PTPN13: variants seen among roughly 807,000 people sequenced by gnomAD.
PTPN13 encodes tyrosine-protein phosphatase non-receptor type 13.
Under a neutral mutation model 284.0 loss-of-function variants are expected in PTPN13, and 191 were observed. That is an observed-to-expected ratio of 0.67 (90% confidence interval 0.60 to 0.76). PTPN13 has a LOEUF of 0.76. PTPN13 is among the 30% of genes least tolerant of loss of function. The pLI is 0.00. For missense variants in PTPN13, 2,797 were observed against 2,939.9 expected, an observed-to-expected ratio of 0.95 and a Z score of 1.12; for synonymous variants, 986 against 1,022.3, an observed-to-expected ratio of 0.96 and a Z score of 0.68.
At chr4:86,704,011 G>GA (rs528886753) in intron 7 of PTPN13, among the ~76,000 whole-genome samples, 144 of 148,360 alleles carry the variant, frequency 9.7e-4, no homozygotes, top group Middle Eastern at 3.5e-3. Flanking sequence ...CGTCTTTACT[G>GA]AAAAAAAAAT....
intron 2 of PTPN13, among the ~76,000 whole-genome samples, chr4:86,640,330 GTA>G (rs1486294924): frequency 6.6e-6 from 1 of 152,070 alleles, no homozygotes; most frequent in Non-Finnish European, 1.5e-5. Context: ...AAATTGGAAA[GTA>G]TAGACAGTCC....
chr4:86,735,420 C>G (rs796129228), intron 14 of PTPN13, among the ~76,000 whole-genome samples, 174 bp from the exon 15 acceptor site: 1 of 152,196 alleles, frequency 6.6e-6, no homozygotes, highest in Non-Finnish European at 1.5e-5. Flanking sequence ...CATTTTATCT[C>G]ACTGAATAGA....
intron 4 of PTPN13, 135 bp downstream of exon 4, chr4:86,686,910 T>C (rs1729520178): frequency 4.6e-6 from 3 of 652,166 alleles, no homozygotes; most frequent in South Asian, 1.9e-5. Flanking sequence ...GGAGTTTGTT[T>C]ACATTAATAA....
At chr4:86,676,933 A>G (rs1728335418) in intron 3 of PTPN13, among the ~76,000 whole-genome samples, 1 of 152,106 alleles carries the variant, frequency 6.6e-6, no homozygotes, top group Non-Finnish European at 1.5e-5. Context: ...AGTTCCAGAG[A>G]TTGTTGCACA....
chr4:86,765,492 T>TAG lies in PTPN13; in HGVS notation c.4243+5_4243+6dup. 6.4e-7 allele frequency: 1 copy of TAG among 1,560,360 alleles called. No homozygotes were observed. Among genetic ancestry groups the TAG allele is most frequent in the South Asian group, 1.2e-5 (1 of 84,612 alleles). On this transcript the variant is annotated splice_donor_region_variant and intron_variant, in intron 26 of 47. Transcript: ENST00000411767. Reference sequence around the variant, plus strand: ...TCTGATGGTAGAATTCACAAAGGTATAGTGTTTATATTATGTGGGAATTAT... The same window carrying TAG: ...TCTGATGGTAGAATTCACAAAGGTATAGAGTGTTTATATTATGTGGGAATTAT...
chr4:86,726,275 T>C (rs1734240532), intron 10 of PTPN13, among the ~76,000 whole-genome samples: 1 of 149,584 alleles, frequency 6.7e-6, no homozygotes, highest in Non-Finnish European at 1.5e-5. Context: ...TTTGCTCTTT[T>C]TGCTTAGGAT....
At chr4:86,805,874 G>C (rs1261613283) in intron 44 of PTPN13, among the ~76,000 whole-genome samples, 1 of 152,080 alleles carries the variant, frequency 6.6e-6, no homozygotes, top group African/African-American at 2.4e-5. Context: ...CAATCATTTT[G>C]GCCCGGTGCA....
chr4:86,778,799 C>G (rs941138163), intron 35 of PTPN13, among the ~76,000 whole-genome samples: 1 of 151,726 alleles, frequency 6.6e-6, no homozygotes, highest in African/African-American at 2.4e-5. Context: ...ATTTTTTTAA[C>G]GAGAAAAACA....
In PTPN13 at chr4:86,758,322, C is replaced by T. The variant is rs772559170; in HGVS notation, c.3286C>T (p.Leu1096=). The T allele has an allele frequency of 1.2e-6, 2 of 1,611,336 alleles. No homozygotes were observed. Among genetic ancestry groups the T allele is most frequent in the Non-Finnish European group, 1.7e-6 (2 of 1,178,406 alleles). ...AGAAAGGGAGATCACCTTAGTGAAC[C>T]TGAAAAAAGATGCAAAGTATGGCTT... ...SPEREITLVN[L]KKDAKYGLGF... Residue 1096 remains leucine (L), a synonymous_variant, in exon 21 of 48, where the codon CTG becomes TTG. Transcript: ENST00000411767.
chr4:86,770,053 T>C (rs1472063592), intron 29 of PTPN13, 48 bp from the exon 30 acceptor site: 2 of 1,611,766 alleles, frequency 1.2e-6, no homozygotes, highest in Non-Finnish European at 1.7e-6. Context: ...AATGGTTTCA[T>C]AATGCTGGTT....
intron 12 of PTPN13, 133 bp downstream of exon 12, chr4:86,732,899 G>T: frequency 3.4e-6 from 2 of 596,962 alleles, no homozygotes; most frequent in Non-Finnish European, 5.1e-6. Flanking sequence ...AGTGAGTTAG[G>T]AACTCCCTTT....
At position 86,807,796 on chromosome 4, in the gene PTPN13, G is replaced by A. The variant is rs2149385303; in HGVS notation, c.6982G>A (p.Gly2328Ser). The A allele has an allele frequency of 1.2e-6, 2 of 1,614,032 alleles. No individual in the cohort carries two copies. The highest frequency in any genetic ancestry group is 1.6e-4 in the Middle Eastern group (1 of 6,062). Residue 2328 changes from glycine to serine, a missense_variant, in exon 45 of 48, where the codon GGC (glycine) becomes AGC (serine). Transcript: ENST00000411767. ...KCQRYWPNIL[G>S]KTTMVSNRLR... ...CCAGCGCTATTGGCCCAACATCCTA[G>A]GCAAAACAACAATGGTCAGCAACAG... is the stretch of plus-strand genomic sequence containing the variant.
At chr4:86,745,543 G>A (rs1736647194) in intron 17 of PTPN13, among the ~76,000 whole-genome samples, 1 of 152,178 alleles carries the variant, frequency 6.6e-6, no homozygotes, top group Non-Finnish European at 1.5e-5. Context: ...TTGGGAGGCT[G>A]AGGCGGGTGG....
At position 86,680,177 on chromosome 4, in the gene PTPN13, C is replaced by A. The variant is rs985250839; in HGVS notation, c.295-6533C>A. On this transcript the variant is annotated intron_variant, in intron 3 of 47. Transcript: ENST00000411767. The stretch of plus-strand genomic sequence containing the variant: ...TCACTATTATATGTCAAATGCTGTG[C>A]TAGGTCTAGGGATAGAGTGGTAAAC... Among the ~76,000 whole-genome samples the A allele has an allele frequency of 2.0e-5, 3 of 152,118 alleles. No homozygotes were observed. In the South Asian group the frequency reaches 6.2e-4, roughly 32 times the overall value.
At chr4:86,616,260 A>G (rs982031787) in intron 1 of PTPN13, among the ~76,000 whole-genome samples, 1 of 152,198 alleles carries the variant, frequency 6.6e-6, no homozygotes. Flanking sequence ...TATAAATGTC[A>G]TGAAGTGTTA....
At chr4:86,602,275 T>G (rs1764358647) in intron 1 of PTPN13, among the ~76,000 whole-genome samples, 1 of 152,172 alleles carries the variant, frequency 6.6e-6, no homozygotes, top group African/African-American at 2.4e-5. Flanking sequence ...ACAAGCTCTG[T>G]GACCTTGCCC....
intron 35 of PTPN13, 102 bp downstream of exon 35, chr4:86,775,754 C>T: frequency 4.2e-6 from 4 of 947,474 alleles, no homozygotes; most frequent in Non-Finnish European, 6.2e-6. Context: ...ATTAGTAATT[C>T]ATAGACTAAA....
rs7698902 is a variant in PTPN13 at position 86,734,878 on chromosome 4, A to G, written c.2151+3A>G. 3,057 of 1,609,084 alleles carry G rather than the reference A, an allele frequency of 1.9e-3. 47 individuals carry two copies. In the African/African-American group the frequency reaches 0.033, roughly 17 times the overall value. On this transcript the variant is annotated splice_donor_region_variant and intron_variant, in intron 14 of 47. Transcript: ENST00000411767. ...AGTATGGAGATTATCAACCAGAGGTAGGATTTGTGTTTTTTTCCAGGACCA... is the reference window on the plus strand; with the variant it reads ...AGTATGGAGATTATCAACCAGAGGTGGGATTTGTGTTTTTTTCCAGGACCA...
At chr4:86,782,719 A>C (rs1270022987) in intron 37 of PTPN13, among the ~76,000 whole-genome samples, 1 of 152,208 alleles carries the variant, frequency 6.6e-6, no homozygotes, top group African/African-American at 2.4e-5. Flanking sequence ...AAGTAGGTTT[A>C]CTTGCTTTTG....
Sources: allele counts gnomAD v4.1 joint callset (sites outside exome capture counted in the v4.1 genomes callset), GRCh38; gene constraint gnomAD v4.1.1; transcripts MANE v1.5; gene names NCBI Gene and HGNC (gene_info 2026-07-23, HGNC 2026-07-21).